The following GFM1 variants were observed in gnomAD, a reference collection of about 807,000 sequenced individuals.
GFM1 encodes the protein G elongation factor mitochondrial 1, also known as elongation factor G, mitochondrial.
Under a neutral mutation model 96.2 loss-of-function variants are expected in GFM1, and 62 were observed. The observed-to-expected ratio is 0.64, with a 90% CI of 0.53 to 0.80. The LOEUF (loss-of-function observed/expected upper bound fraction) is 0.80, where lower values mean the gene tolerates loss of function less well. GFM1 is among the 30% of genes least tolerant of loss of function. The pLI, the probability that GFM1 is intolerant of heterozygous loss-of-function variation, is 0.00. For synonymous variants in GFM1, 282 were observed against 312.9 expected (o/e 0.90, Z 1.04); for missense variants, 852 against 916.6 (o/e 0.93, Z 0.91).
intron 5 of GFM1, chr3:158,650,310 C>G (rs1461190819): frequency 6.2e-6 from 3 of 485,962 alleles, no homozygotes; most frequent in Non-Finnish European, 1.1e-5. Context: ...CAACTAGTTA[C>G]AACTAGGCAG....
intron 8 of GFM1, among the ~76,000 whole-genome samples, chr3:158,655,434 A>G (rs1442487576): frequency 6.6e-6 from 1 of 151,592 alleles, no homozygotes; most frequent in East Asian, 1.9e-4. Flanking sequence ...CAGTGAGCCG[A>G]GATCGCACCA....
At chr3:158,681,038 G>A (rs1286599538) in intron 13 of GFM1, among the ~76,000 whole-genome samples, 1 of 152,172 alleles carries the variant, frequency 6.6e-6, no homozygotes, top group African/African-American at 2.4e-5. Flanking sequence ...AGAACGTTGT[G>A]TATACTTGAG....
chr3:158,666,556 T>C (rs745605020), intron 13 of GFM1, 170 bp downstream of exon 13: 2 of 1,249,192 alleles, frequency 1.6e-6, no homozygotes, highest in South Asian at 2.4e-5. Flanking sequence ...AGTGACACTT[T>C]GGGATTATTT....
chr3:158,647,510 T>A (rs1316717200), intron 4 of GFM1, among the ~76,000 whole-genome samples: 1 of 152,232 alleles, frequency 6.6e-6, no homozygotes, highest in South Asian at 2.1e-4. Flanking sequence ...GAATTTCACT[T>A]TTCACCTTTT....
intron 15 of GFM1, chr3:158,685,055 T>TTA (rs1725726168): frequency 5.6e-6 from 1 of 177,770 alleles, no homozygotes; most frequent in East Asian, 1.5e-4. Context: ...TTGTAAGTAA[T>TTA]CTCTTCATTA....
chr3:158,653,654 T>C (rs535885259), intron 7 of GFM1, among the ~76,000 whole-genome samples, 187 bp downstream of exon 7: 7 of 152,298 alleles, frequency 4.6e-5, no homozygotes, highest in African/African-American at 1.7e-4. Flanking sequence ...TCCTATATCA[T>C]ATTCTGTTTT....
intron 15 of GFM1, among the ~76,000 whole-genome samples, chr3:158,686,829 T>C (rs558194786): frequency 1.3e-4 from 19 of 147,358 alleles, no homozygotes; most frequent in African/African-American, 4.8e-4. Flanking sequence ...ACCTCATGGT[T>C]TCAAGCAATT....
chr3:158,652,359 C>T, intron 6 of GFM1, 113 bp downstream of exon 6: 3 of 892,996 alleles, frequency 3.4e-6, no homozygotes, highest in Non-Finnish European at 3.6e-6. Context: ...AATCTCAATA[C>T]ATTTATTTAA....
Position 158,672,218 on chromosome 3 carries a change from G to A in GFM1, c.1601+5832G>A, listed in dbSNP as rs1194472823. The A allele has an allele frequency of 5.5e-6, 6 of 1,096,760 alleles. No individual in the cohort carries two copies. The South Asian group carries it at 8.7e-5, about 16-fold the overall frequency. The allele number at this position is 1,096,760 out of a possible 1,614,324, so 67.9% of individuals were successfully genotyped here. A position where few individuals can be genotyped will look rare whatever the true frequency, so the allele number is the denominator to read the frequency against. ...CTTAATATCTCAAGACCAGATACCA[G>A]CAGTGTGTCCTAAAACAGAAGGTGG... On this transcript the variant is annotated intron_variant, in intron 13 of 17. Coordinates refer to ENST00000486715, the MANE Select transcript of GFM1 (RefSeq NM_024996.7).
chr3:158,680,905 T>C (rs1412570086), intron 13 of GFM1, among the ~76,000 whole-genome samples: 2 of 152,202 alleles, frequency 1.3e-5, no homozygotes, highest in Non-Finnish European at 2.9e-5. Flanking sequence ...GATGGAAATC[T>C]TTTAATTTAA....
Position 158,691,597 on chromosome 3 carries a change from T to A in GFM1, c.*130T>A. ...AGCCCAGGAAGCGGGCTCTTCTTTCTTCAAAAGAAGCCCTTCTTGTTCATA... is the reference window on the plus strand; with the variant it reads ...AGCCCAGGAAGCGGGCTCTTCTTTCATCAAAAGAAGCCCTTCTTGTTCATA... On this transcript the variant is annotated 3_prime_UTR_variant, in exon 18 of 18. Transcript: ENST00000486715. The A allele has an allele frequency of 2.1e-6, 2 of 955,396 alleles. No individual in the cohort carries two copies. Among genetic ancestry groups the A allele is most frequent in the Non-Finnish European group, 1.6e-6 (1 of 608,626 alleles). The allele number at this position is 955,396 out of a possible 1,614,324, so 59.2% of individuals were successfully genotyped here.
chr3:158,683,609 G>A (rs1182449909), intron 14 of GFM1, among the ~76,000 whole-genome samples: 3 of 152,240 alleles, frequency 2.0e-5, no homozygotes, highest in Non-Finnish European at 4.4e-5. Flanking sequence ...GCAGTTAGAG[G>A]TATGCAGTAG....
At chr3:158,649,339 T>G (rs948773194) in intron 5 of GFM1, 182 bp downstream of exon 5, 5 of 485,156 alleles carry the variant, frequency 1.0e-5, no homozygotes, top group African/African-American at 9.8e-5. Context: ...TAGTATTTAT[T>G]CTGTGAGAGA....
chr3:158,663,385 T>C (rs1437806786), intron 11 of GFM1, among the ~76,000 whole-genome samples: 1 of 152,222 alleles, frequency 6.6e-6, no homozygotes, highest in Non-Finnish European at 1.5e-5. Context: ...TATTCATACA[T>C]TGAGTGAACT....
chr3:158,685,789 TGA>T (rs1725786528), intron 15 of GFM1, among the ~76,000 whole-genome samples: 1 of 152,136 alleles, frequency 6.6e-6, no homozygotes, highest in South Asian at 2.1e-4. Flanking sequence ...ACAAAGAAAA[TGA>T]GACTTTATTA....
At chr3:158,660,625 G>A (rs2108039508) in intron 9 of GFM1, 2 of 490,686 alleles carry the variant, frequency 4.1e-6, no homozygotes, top group Non-Finnish European at 7.4e-6. Flanking sequence ...GCTCCTTCAA[G>A]TAATGAGTTT....
intron 13 of GFM1, chr3:158,672,429 GC>G: frequency 6.2e-7 from 1 of 1,614,096 alleles, no homozygotes; most frequent in Non-Finnish European, 8.5e-7. Context: ...GTAGTTCTGT[GC>G]CACCAAGGCC....
intron 4 of GFM1, 69 bp from the exon 5 acceptor site, chr3:158,648,972 T>C (rs1219291937): frequency 1.0e-5 from 8 of 795,322 alleles, no homozygotes; most frequent in Admixed American, 1.7e-5. Flanking sequence ...TTTTAAAATA[T>C]TCATTTTGTC....
intron 13 of GFM1, among the ~76,000 whole-genome samples, chr3:158,667,243 C>T (rs1328120777): frequency 6.6e-6 from 1 of 152,134 alleles, no homozygotes; most frequent in Non-Finnish European, 1.5e-5. Flanking sequence ...TATTCTCTTA[C>T]ACTAAATAAA....
Sources: gnomAD v4.1 joint callset for allele counts (sites outside exome capture counted in the v4.1 genomes callset) on GRCh38, gnomAD v4.1.1 for gene constraint, MANE v1.5 for transcripts, NCBI Gene and HGNC (gene_info 2026-07-23, HGNC 2026-07-21) for gene names.